F10: variants seen among roughly 807,000 people sequenced by gnomAD.
The protein encoded by F10 is Stuart-Prower factor.
Under a neutral mutation model 37.1 loss-of-function variants are expected in F10, and 29 were observed. The ratio of observed to expected loss-of-function variants is 0.78; its 90% CI spans 0.58 to 1.07. F10 has a LOEUF of 1.07. Among genes scored for constraint, F10 ranks in the 50% least tolerant of loss-of-function variants. The probability of loss-of-function intolerance (pLI) is 0.00; values close to 1 mark genes in which losing one functional copy is unlikely to be tolerated. For missense variants in F10, 539 were observed against 667.9 expected, an observed-to-expected ratio of 0.81 and a Z score of 2.13; for synonymous variants, 262 against 268.6, an observed-to-expected ratio of 0.98 and a Z score of 0.24.
intron 1 of F10, among the ~76,000 whole-genome samples, chr13:113,123,172 T>G (rs2036336305): frequency 1.3e-5 from 2 of 149,062 alleles, no homozygotes; most frequent in Non-Finnish European, 3.0e-5. Flanking sequence ...AAGGACAGAG[T>G]CAGAGAGAGA....
intron 2 of F10, 66 bp downstream of exon 2, chr13:113,129,678 C>G: frequency 6.2e-7 from 1 of 1,600,122 alleles, no homozygotes; most frequent in South Asian, 1.1e-5. Flanking sequence ...GCTGGCCCCG[C>G]TGCTCCGTCC....
chr13:113,126,958 G>A (rs144773565), intron 1 of F10, among the ~76,000 whole-genome samples: 5 of 152,344 alleles, frequency 3.3e-5, no homozygotes, highest in African/African-American at 1.2e-4. Context: ...GAGCAAGTGT[G>A]TGGGAGTGGA....
chr13:113,140,067 G>T (rs1244379330), intron 4 of F10, among the ~76,000 whole-genome samples: 1 of 141,324 alleles, frequency 7.1e-6, no homozygotes, highest in Non-Finnish European at 1.5e-5. Flanking sequence ...GTACTTAATT[G>T]ATCATCTTTT....
At chr13:113,138,588 C>A in intron 3 of F10, 107 bp downstream of exon 3, 2 of 767,818 alleles carry the variant, frequency 2.6e-6, no homozygotes, top group South Asian at 1.6e-5. Flanking sequence ...TCATTTTACT[C>A]ATTTAAGACT....
Position 113,143,802 on chromosome 13 carries a change from G to A in F10, c.503-49G>A, listed in dbSNP as rs965108666. 4 of 1,605,322 alleles carry A rather than the reference G, an allele frequency of 2.5e-6. No individual in the cohort carries two copies. Among genetic ancestry groups the A allele is most frequent in the Non-Finnish European group, 3.4e-6 (4 of 1,179,864 alleles). On this transcript the variant is annotated intron_variant, in intron 5 of 7. Coordinates refer to ENST00000375559, the MANE Select transcript of F10 (RefSeq NM_000504.4). This position sits in a 1 kb window ranked among gnomAD's most constrained non-coding sequence, Gnocchi z 6.8. ...CCTCAGGGTGAGCTGTGCAGGCTAT[G>A]GGGAGCCTCTCTCTGTGCTGAAGGC...
At position 113,129,529 on chromosome 13, in the gene F10, A is replaced by G. The variant is rs766388026; in HGVS notation, c.148A>G (p.Lys50Glu). ...CAATTCCTTTCTTGAAGAGATGAAG[A>G]AAGGACACCTCGAAAGAGAGTGCAT... ...RANSFLEEMK[K>E]GHLERECMEE... Residue 50 changes from lysine to glutamate, a missense_variant, in exon 2 of 8, where the codon AAA becomes GAA. This residue lies in a region of F10 where 130 missense variants were observed against 120.0 expected (regional missense o/e 1.08). Transcript: ENST00000375559. 7.4e-6 allele frequency: 12 copies of G among 1,614,206 alleles called. No homozygotes were observed. The highest frequency in any genetic ancestry group is 1.0e-5 in the Non-Finnish European group (12 of 1,180,040).
At position 113,146,342 on chromosome 13, in the gene F10, G is replaced by A. The variant is rs559939567; in HGVS notation, c.748-1037G>A. The stretch of plus-strand genomic sequence containing the variant: ...GAACCTCGATGCAGGAGACCCCACC[G>A]AGGATGAGCAGGAAAAGCCTCTTGT... On this transcript the variant is annotated intron_variant, in intron 6 of 7. Transcript: ENST00000375559. The surrounding 1 kb of genome is among the most constrained non-coding windows in gnomAD (Gnocchi z 4.5). 5.9e-5 allele frequency among the ~76,000 whole-genome samples: 9 copies of A among 152,262 alleles called. No individual in the cohort carries two copies. Among genetic ancestry groups the A allele is most frequent in the South Asian group, 4.1e-4 (2 of 4,822 alleles).
At position 113,144,069 on chromosome 13, in the gene F10, T is replaced by C. The variant is rs2036558627; in HGVS notation, c.721T>C (p.Cys241Arg). Residue 241 changes from cysteine to arginine, a missense_variant, in exon 6 of 8, where the codon TGC (cysteine) becomes CGC (arginine). Transcript: ENST00000375559. This position sits in a 1 kb window ranked among gnomAD's most constrained non-coding sequence, Gnocchi z 6.4. The stretch of plus-strand genomic sequence containing the variant: ...CACCAGGATCGTGGGAGGCCAGGAA[T>C]GCAAGGACGGGGAGTGTCCCTGGCA... ...NLTRIVGGQE[C>R]KDGECPWQAL... The C allele has an allele frequency of 6.2e-7, 1 of 1,613,596 alleles. No individual in the cohort carries two copies.
rs796877407 is a variant in F10, at chr13:113,147,642, GGAA to G, written c.865+152_865+154del. 23 of 669,760 alleles carry G rather than the reference GGAA, an allele frequency of 3.4e-5. No individual in the cohort carries two copies. In the African/African-American group the frequency reaches 3.7e-4, roughly 11 times the overall value. The allele number at this position is 669,760 out of a possible 1,614,324, so 41.5% of individuals were successfully genotyped here. A position where few individuals can be genotyped will look rare whatever the true frequency, so the allele number is the denominator to read the frequency against. Reference sequence around the variant, plus strand: ...GTAGGGGTTAGGGGCATTTCACAGAGGAAGAAGATGAGGAAGCAGAGGAAGGGG... The same window carrying G: ...GTAGGGGTTAGGGGCATTTCACAGAGGAAGATGAGGAAGCAGAGGAAGGGG... On this transcript the variant is annotated intron_variant, in intron 7 of 7. Transcript: ENST00000375559.
intron 6 of F10, among the ~76,000 whole-genome samples, chr13:113,147,082 G>A (rs1308287868): frequency 2.0e-5 from 3 of 152,240 alleles, no homozygotes; most frequent in Non-Finnish European, 4.4e-5. Context: ...GGGAAAGGCT[G>A]CTCCCACAGG....
At position 113,149,092 on chromosome 13, in the gene F10, T is replaced by C. The variant is rs756336925; in HGVS notation, c.1042T>C (p.Trp348Arg). ...GCCTGCCTGCCTCCCCGAGCGTGAC[T>C]GGGCCGAGTCCACGCTGATGACGCA... ...VAPACLPERDWAESTLMTQKT... is the reference protein window; with the variant it reads ...VAPACLPERDRAESTLMTQKT... Residue 348 changes from tryptophan to arginine, a missense_variant, in exon 8 of 8, where the codon TGG becomes CGG. By Grantham distance (101) the Trp-to-Arg change is moderately radical (BLOSUM62 -3). This residue lies in a region of F10 where 409 missense variants were observed against 547.9 expected (regional missense o/e 0.75). Coordinates refer to ENST00000375559, the MANE Select transcript of F10 (RefSeq NM_000504.4). This position sits in a 1 kb window ranked among gnomAD's most constrained non-coding sequence, Gnocchi z 7.5. The C allele has an allele frequency of 6.2e-7, 1 of 1,613,136 alleles. No individual in the cohort carries two copies. The highest frequency in any genetic ancestry group is 8.5e-7 in the Non-Finnish European group (1 of 1,179,966).
chr13:113,125,028 G>A (rs566087394), intron 1 of F10, among the ~76,000 whole-genome samples: 9 of 152,182 alleles, frequency 5.9e-5, no homozygotes, highest in Non-Finnish European at 1.2e-4. Flanking sequence ...ACCAGTCATT[G>A]GATTTAGGGC....
chr13:113,142,455 C>A lies in F10; in HGVS notation c.503-1396C>A, dbSNP rs1467188185. Among the ~76,000 whole-genome samples the A allele has an allele frequency of 5.0e-5, 7 of 141,122 alleles. 1 individual carries two copies. Among genetic ancestry groups the A allele is most frequent in the Non-Finnish European group, 9.2e-5 (6 of 64,986 alleles). 92.6% of individuals were successfully genotyped at this position (141,122 alleles called of 152,430 possible). A position where few individuals can be genotyped will look rare whatever the true frequency, so the allele number is the denominator to read the frequency against. ...GTCCCAGCTGCTCAGGAGGCTGAGG[C>A]AAGAGAATGGCGTGAACCTGGAAGG... On this transcript the variant is annotated intron_variant, in intron 5 of 7. Coordinates refer to ENST00000375559, the MANE Select transcript of F10 (RefSeq NM_000504.4).
chr13:113,149,478 C>G lies in F10; in HGVS notation c.1428C>G (p.Ser476Arg), dbSNP rs776514175. ...MKTRGLPKAKSHAPEVITSSP... is the reference protein window; with the variant it reads ...MKTRGLPKAKRHAPEVITSSP... ...CCAGGGGCTTGCCCAAGGCCAAGAG[C>G]CATGCCCCGGAGGTCATAACGTCCT... Residue 476 changes from serine to arginine, a missense_variant, in exon 8 of 8, where the codon AGC (serine) becomes AGG (arginine). This residue lies in a region of F10 where 409 missense variants were observed against 547.9 expected (regional missense o/e 0.75). Transcript: ENST00000375559. This position sits in a 1 kb window ranked among gnomAD's most constrained non-coding sequence, Gnocchi z 7.5. The G allele has an allele frequency of 1.9e-6, 3 of 1,613,264 alleles. No homozygotes were observed. The highest frequency in any genetic ancestry group is 2.5e-6 in the Non-Finnish European group (3 of 1,180,024).
chr13:113,138,421 C>G, intron 2 of F10, 36 bp from the exon 3 acceptor site: 1 of 1,035,516 alleles, frequency 9.7e-7, no homozygotes, highest in Non-Finnish European at 1.5e-6. Context: ...TCTCTGTTTT[C>G]CCTAATATAT....
At chr13:113,148,835 A>C in intron 7 of F10, 81 bp from the exon 8 acceptor site, 10 of 1,552,924 alleles carry the variant, frequency 6.4e-6, no homozygotes, top group Non-Finnish European at 8.7e-6. Flanking sequence ...AAAAAAATAT[A>C]TATAACTTCC....
intron 1 of F10, among the ~76,000 whole-genome samples, chr13:113,127,639 C>T (rs1376390546): frequency 6.6e-6 from 1 of 152,118 alleles, no homozygotes; most frequent in African/African-American, 2.4e-5. Context: ...GTCATGAAAT[C>T]AACTCAGTAT....
In F10 at chr13:113,143,699, A is replaced by AG; in HGVS notation, c.503-152_503-151insG. The AG allele has an allele frequency of 8.3e-7, 1 of 1,203,570 alleles. No homozygotes were observed. The allele number at this position is 1,203,570 out of a possible 1,614,324, so 74.6% of individuals were successfully genotyped here. Reference sequence around the variant, plus strand: ...CCTGCAGATCCGACCCCTGCCGACGACGTGGGGCCTCGCCCTGCAAGCCCG... The same window carrying AG: ...CCTGCAGATCCGACCCCTGCCGACGAGCGTGGGGCCTCGCCCTGCAAGCCCG... On this transcript the variant is annotated intron_variant, in intron 5 of 7. Transcript: ENST00000375559. This position sits in a 1 kb window ranked among gnomAD's most constrained non-coding sequence, Gnocchi z 6.8.
intron 7 of F10, among the ~76,000 whole-genome samples, chr13:113,148,151 G>A (rs2036599173): frequency 6.6e-6 from 1 of 151,736 alleles, no homozygotes; most frequent in Non-Finnish European, 1.5e-5. Flanking sequence ...CCAGCATGGC[G>A]AAACCCCATC....
Sources: gnomAD v4.1 joint callset for allele counts (sites outside exome capture counted in the v4.1 genomes callset) on GRCh38, gnomAD v4.1.1 for gene constraint, gnomAD v4.1.1 regional missense constraint, Gnocchi (gnomAD v3.1) non-coding constraint, MANE v1.5 for transcripts, NCBI Gene and HGNC (gene_info 2026-07-23, HGNC 2026-07-21) for gene names.